ZNF599: variants seen among roughly 807,000 people sequenced by gnomAD.
ZNF599 encodes zinc finger protein 599.
In ZNF599, 10 loss-of-function variants were observed where a neutral mutation model predicts 11.7. The observed-to-expected ratio is 0.86, with a 90% CI of 0.53 to 1.45. ZNF599 has a LOEUF of 1.45. Among genes scored for constraint, ZNF599 ranks in the 40% most tolerant of loss-of-function variants. ZNF599 has a pLI of 0.00. For synonymous variants in ZNF599, 232 were observed against 253.2 expected (o/e 0.92, Z 0.79); for missense variants, 688 against 713.6 (o/e 0.96, Z 0.41).
chr19:34,763,599 T>A (rs2069124974), intron 3 of ZNF599: 1 of 152,282 alleles, frequency 6.6e-6, no homozygotes, highest in Non-Finnish European at 1.5e-5. Flanking sequence ...GCTGGTACCC[T>A]GACCTTAGAC....
upstream of ZNF599, among the ~76,000 whole-genome samples, chr19:34,777,383 A>AATATATTATATATTATAT (rs1568496979): frequency 4.7e-4 from 42 of 89,592 alleles, no homozygotes; most frequent in East Asian, 7.3e-3. Context: ...ATTATATATT[A>AATATATTATATATTATAT]ATTAATATAT....
chr19:34,776,736 T>A (rs971382833), upstream of ZNF599, among the ~76,000 whole-genome samples: 8 of 152,094 alleles, frequency 5.3e-5, no homozygotes, highest in African/African-American at 1.9e-4. Flanking sequence ...AAGAAAACAG[T>A]TTTATTGAAT....
In ZNF599 at chr19:34,760,321, A is replaced by G. The variant is rs1433302928; in HGVS notation, c.480T>C (p.Asp160=). ...GTAAAACCCTTAAGCCCAGACTATC[A>G]TCTGGCTCCAAATCATCATGTTTAT... ...LSYKHDDLEP[D]DSLGLRVLQE... Residue 160 remains aspartate, a synonymous_variant, in exon 4 of 4, where the codon GAT becomes GAC. Coordinates refer to ENST00000329285, the MANE Select transcript of ZNF599 (RefSeq NM_001007248.3). 6.2e-7 allele frequency: 1 copy of G among 1,614,172 alleles called. No individual in the cohort carries two copies. The highest frequency in any genetic ancestry group is 1.3e-5 in the African/African-American group (1 of 75,052).
upstream of ZNF599, among the ~76,000 whole-genome samples, chr19:34,777,134 C>G (rs2069219091): frequency 6.7e-6 from 1 of 149,508 alleles, no homozygotes; most frequent in Non-Finnish European, 1.5e-5. Context: ...AGGAAATTGT[C>G]AAGCCCAAGG....
Position 34,773,159 on chromosome 19 carries a change from T to G in ZNF599, c.-318A>C. 7 of 356,578 alleles carry G rather than the reference T, an allele frequency of 2.0e-5. No homozygotes were observed. The highest frequency in any genetic ancestry group is 3.0e-5 in the Non-Finnish European group (6 of 198,524). 22.1% of individuals were successfully genotyped at this position (356,578 alleles called of 1,614,324 possible). A position where few individuals can be genotyped will look rare whatever the true frequency, so the allele number is the denominator to read the frequency against. ...GGCCCCTGTCTGGCGTTCTACCCAG[T>G]GTAGCGTTGGCAACCACAGCAGCCG... On this transcript the variant is annotated 5_prime_UTR_variant, in exon 1 of 4. Coordinates refer to ENST00000329285, the MANE Select transcript of ZNF599 (RefSeq NM_001007248.3).
At chr19:34,765,050 A>G (rs1192513183) in intron 3 of ZNF599, 1 of 152,348 alleles carries the variant, frequency 6.6e-6, no homozygotes. Flanking sequence ...CACTAAAAAA[A>G]AAAAAGTCTC....
the ZNF599 span, among the ~76,000 whole-genome samples, chr19:34,805,599 C>T: frequency 6.6e-6 from 1 of 152,144 alleles, no homozygotes; most frequent in Admixed American, 6.5e-5. Context: ...CCAGATACCA[C>T]CAACACTTAC....
At chr19:34,778,298 T>G in the ZNF599 span, among the ~76,000 whole-genome samples, 4 of 151,422 alleles carry the variant, frequency 2.6e-5, no homozygotes, top group Non-Finnish European at 4.4e-5. Flanking sequence ...ACATGTACCC[T>G]AGAACTTAAA....
chr19:34,766,827 A>C (rs2069146909), intron 3 of ZNF599: 1 of 153,530 alleles, frequency 6.5e-6, no homozygotes, highest in South Asian at 2.0e-4. Flanking sequence ...CTTCTCTCCC[A>C]TTCCTCTTGG....
At chr19:34,772,369 G>A (rs1251804543) in intron 1 of ZNF599, 5 of 996,898 alleles carry the variant, frequency 5.0e-6, no homozygotes, top group Non-Finnish European at 6.0e-6. Flanking sequence ...CCCTCTCCCA[G>A]CTTTTGGTAG....
chr19:34,806,927 C>T, the ZNF599 span, among the ~76,000 whole-genome samples: 3 of 152,114 alleles, frequency 2.0e-5, no homozygotes, highest in African/African-American at 4.8e-5. Context: ...TGCAAAAACC[C>T]AATGCTTTGG....
chr19:34,796,264 G>A, the ZNF599 span, among the ~76,000 whole-genome samples: 1 of 151,932 alleles, frequency 6.6e-6, no homozygotes, highest in Non-Finnish European at 1.5e-5. Context: ...GTGATTCTGT[G>A]AAGTTTAATA....
intron 1 of ZNF599, among the ~76,000 whole-genome samples, chr19:34,770,303 G>A (rs17718449): frequency 0.014 from 2,070 of 152,324 alleles, 40 homozygotes; most frequent in South Asian, 0.082. Flanking sequence ...CACATCCCTC[G>A]GGTCCAGGAT....
chr19:34,804,738 G>A, the ZNF599 span, among the ~76,000 whole-genome samples: 1 of 152,120 alleles, frequency 6.6e-6, no homozygotes, highest in African/African-American at 2.4e-5. Flanking sequence ...TCATTTCTGT[G>A]GAGTCTTAAT....
chr19:34,775,839 G>A (rs188203141), upstream of ZNF599, among the ~76,000 whole-genome samples: 17 of 152,170 alleles, frequency 1.1e-4, no homozygotes, highest in African/African-American at 3.6e-4. Context: ...AAATTTATAC[G>A]AACAAAATAT....
rs573073969 is a variant in ZNF599 at position 34,769,345 on chromosome 19, G to C, written c.145+84C>G. On this transcript the variant is annotated intron_variant, in intron 2 of 3. Coordinates refer to ENST00000329285, the MANE Select transcript of ZNF599 (RefSeq NM_001007248.3). ...CAGGGATCAGGGAAGGTTGGGTTCT[G>C]AGGCTCCTGGACCAGCCATGCCTAG... 672 of 1,599,168 alleles carry C rather than the reference G, an allele frequency of 4.2e-4. 7 individuals carry two copies. The South Asian group carries it at 6.5e-3, about 16-fold the overall frequency.
the ZNF599 span, among the ~76,000 whole-genome samples, chr19:34,795,736 G>C: frequency 6.6e-6 from 1 of 152,330 alleles, no homozygotes; most frequent in South Asian, 2.1e-4. Context: ...GGGAGTACAG[G>C]GAGGCCTGGA....
chr19:34,773,986 CA>C (rs1308299221), upstream of ZNF599, among the ~76,000 whole-genome samples: 2 of 152,186 alleles, frequency 1.3e-5, no homozygotes, highest in African/African-American at 4.8e-5. Flanking sequence ...TTTGTCAAAA[CA>C]AATACGTTGA....
chr19:34,767,474 T>C, intron 2 of ZNF599, 63 bp from the exon 3 acceptor site: 1 of 1,303,504 alleles, frequency 7.7e-7, no homozygotes, highest in East Asian at 2.3e-5. Context: ...AAGTCTGAGG[T>C]GTAAAGGAGT....
Sources: gnomAD v4.1 joint callset for allele counts (sites outside exome capture counted in the v4.1 genomes callset) on GRCh38, gnomAD v4.1.1 for gene constraint, MANE v1.5 for transcripts, NCBI Gene and HGNC (gene_info 2026-07-23, HGNC 2026-07-21) for gene names.